The following TRPV3 variants were observed in gnomAD, a reference collection of about 807,000 sequenced individuals.
The protein encoded by TRPV3 is transient receptor potential cation channel subfamily V member 3.
TRPV3 carries 88 observed loss-of-function variants against 87.1 expected under a neutral mutation model. That is an observed-to-expected ratio of 1.01 (90% CI 0.85 to 1.21). The LOEUF (loss-of-function observed/expected upper bound fraction) is 1.21, where lower values mean the gene tolerates loss of function less well. Among genes scored for constraint, TRPV3 ranks in the 50% most tolerant of loss-of-function variants. The probability of loss-of-function intolerance (pLI) is 0.00; values close to 1 mark genes in which losing one functional copy is unlikely to be tolerated. For synonymous variants in TRPV3, 438 were observed against 423.3 expected, an observed-to-expected ratio of 1.03 and a Z score of -0.43; for missense variants, 1,054 against 1,030.1, an observed-to-expected ratio of 1.02 and a Z score of -0.32.
rs148161580 is a variant in TRPV3, at chr17:3,531,993, G to C, written c.1065+664C>G. 4.1e-3 allele frequency among the ~76,000 whole-genome samples: 617 copies of C among 152,330 alleles called. 5 individuals are homozygous for C. The highest frequency in any genetic ancestry group is 6.0e-3 in the Non-Finnish European group (411 of 68,028). On this transcript the variant is annotated intron_variant, in intron 8 of 17. Coordinates refer to ENST00000576742, the MANE Select transcript of TRPV3 (RefSeq NM_145068.4). ...CCAGGAGCCACAGCCTCCTCGCAGA[G>C]CGTAGAGACAGTGAGGCTGAGGAAC...
chr17:3,529,945 G>C, intron 9 of TRPV3, 82 bp downstream of exon 9: 2 of 1,489,706 alleles, frequency 1.3e-6, no homozygotes, highest in South Asian at 2.6e-5. Flanking sequence ...GCAGCACTGG[G>C]TCTTCCCAGC....
At position 3,522,828 on chromosome 17, in the gene TRPV3, A is replaced by C. The variant is rs568400157; in HGVS notation, c.1743+1370T>G. Among the ~76,000 whole-genome samples, 252 of 151,690 alleles carry C rather than the reference A, an allele frequency of 1.7e-3. 3 individuals carry two copies. The highest frequency in any genetic ancestry group is 1.9e-3 in the Non-Finnish European group (129 of 67,976). On this transcript the variant is annotated intron_variant, in intron 13 of 17. Transcript: ENST00000576742. ...CGAGACTCAGTCACAAACAAAAAAA[A>C]AAAAAAAAAGCAAAAATTATTCTAA...
chr17:3,547,718 G>A (rs534184743), intron 2 of TRPV3, among the ~76,000 whole-genome samples: 4 of 152,190 alleles, frequency 2.6e-5, no homozygotes, highest in Admixed American at 2.0e-4. Flanking sequence ...GGCGGTGGAG[G>A]GGGGCAGCGG....
In TRPV3 at chr17:3,544,467, A is replaced by C. The variant is rs575986820; in HGVS notation, c.311+112T>G. On this transcript the variant is annotated intron_variant, in intron 4 of 17. Coordinates refer to ENST00000576742, the MANE Select transcript of TRPV3 (RefSeq NM_145068.4). ...ATGGACCCATGACTCCACTTGTCCC[A>C]ATCCCCAGGAATGGTGGATTCTTTC... 2.5e-4 allele frequency: 168 copies of C among 660,848 alleles called. 2 individuals carry two copies. The African/African-American group carries it at 2.9e-3, about 11-fold the overall frequency. The allele number at this position is 660,848 out of a possible 1,614,324, so 40.9% of individuals were successfully genotyped here. A position where few individuals can be genotyped will look rare whatever the true frequency, so the allele number is the denominator to read the frequency against.
intron 12 of TRPV3, among the ~76,000 whole-genome samples, 193 bp from the exon 13 acceptor site, chr17:3,524,556 G>A (rs898853364): frequency 6.6e-6 from 1 of 152,126 alleles, no homozygotes; most frequent in Non-Finnish European, 1.5e-5. Flanking sequence ...ATCACCAGAT[G>A]CCACTCACAG....
Position 3,543,625 on chromosome 17 carries a change from T to C in TRPV3, c.315A>G (p.Ala105=). 1 of 1,614,014 alleles carries C rather than the reference T, an allele frequency of 6.2e-7. No individual in the cohort carries two copies. The highest frequency in any genetic ancestry group is 1.3e-5 in the African/African-American group (1 of 75,062). Reference sequence around the variant, plus strand: ...TCCTCTGCTCTTCCTTGGCCAGCTGTGCACTGAAGCCAGAAAATGTTTCCA... The same window carrying C: ...TCCTCTGCTCTTCCTTGGCCAGCTGCGCACTGAAGCCAGAAAATGTTTCCA... ...ETPSNPNSPS[A]QLAKEEQRRK... is the part of the protein sequence containing the mutation. Residue 105 remains alanine, a synonymous_variant, in exon 5 of 18, where the codon GCA becomes GCG. Transcript: ENST00000576742.
chr17:3,531,964 C>A (rs1275928275), intron 8 of TRPV3, among the ~76,000 whole-genome samples: 2 of 152,156 alleles, frequency 1.3e-5, no homozygotes, highest in Non-Finnish European at 2.9e-5. Context: ...CCTCTGATGG[C>A]GTCCCAGGAG....
chr17:3,548,115 CA>C (rs1422202458), intron 2 of TRPV3, among the ~76,000 whole-genome samples: 1 of 152,194 alleles, frequency 6.6e-6, no homozygotes, highest in Non-Finnish European at 1.5e-5. Flanking sequence ...AGGGCCTCTC[CA>C]GGCACACGGG....
In TRPV3 at chr17:3,521,982, G is replaced by A. The variant is rs146814185; in HGVS notation, c.1744-943C>T. Among the ~76,000 whole-genome samples the A allele has an allele frequency of 1.8e-4, 28 of 152,122 alleles. No homozygotes were observed. In the East Asian group the frequency reaches 3.9e-3, roughly 21 times the overall value. On this transcript the variant is annotated intron_variant, in intron 13 of 17. Transcript: ENST00000576742. ...TCCCAGCTACTCCAGAGGCTGAGGC[G>A]GGAGAATTGCTTGAACCCAGGAGGA...
intron 8 of TRPV3, 122 bp downstream of exon 8, chr17:3,532,535 G>A: frequency 7.7e-7 from 1 of 1,290,922 alleles, no homozygotes; most frequent in Non-Finnish European, 1.1e-6. Flanking sequence ...CCCAAGGCTG[G>A]GACCTTCTCA....
intron 16 of TRPV3, among the ~76,000 whole-genome samples, 178 bp from the exon 17 acceptor site, chr17:3,514,850 C>G (rs1485243536): frequency 2.0e-5 from 3 of 152,052 alleles, no homozygotes; most frequent in Non-Finnish European, 4.4e-5. Context: ...AACTCTATCC[C>G]CATCTCCACG....
At position 3,514,155 on chromosome 17, in the gene TRPV3, T is replaced by G. The variant is rs2074150673; in HGVS notation, c.2279-144A>C. On this transcript the variant is annotated intron_variant, in intron 17 of 17. Coordinates refer to ENST00000576742, the MANE Select transcript of TRPV3 (RefSeq NM_145068.4). ...GTGCAGTGGTGTGATCTCAGCTCACTGCAACCTCCACCTCCCAGGTTCAAG... is the reference window on the plus strand; with the variant it reads ...GTGCAGTGGTGTGATCTCAGCTCACGGCAACCTCCACCTCCCAGGTTCAAG... The G allele has an allele frequency of 4.7e-6, 3 of 639,692 alleles. No individual in the cohort carries two copies. In the South Asian group the frequency reaches 6.5e-5, roughly 14 times the overall value. The allele number at this position is 639,692 out of a possible 1,614,324, so 39.6% of individuals were successfully genotyped here.
chr17:3,531,368 T>C (rs1228215495), intron 8 of TRPV3, among the ~76,000 whole-genome samples: 2 of 152,210 alleles, frequency 1.3e-5, no homozygotes, highest in African/African-American at 2.4e-5. Context: ...CCATCCCATC[T>C]GTCATGAGAG....
intron 7 of TRPV3, 69 bp downstream of exon 7, chr17:3,535,503 TC>T (rs2074400674): frequency 1.5e-6 from 2 of 1,313,862 alleles, no homozygotes; most frequent in African/African-American, 3.4e-5. Flanking sequence ...TCCTTCCCCT[TC>T]CCTCCCTTCC....
At chr17:3,516,775 A>G (rs1442171797) in intron 15 of TRPV3, among the ~76,000 whole-genome samples, 1 of 152,070 alleles carries the variant, frequency 6.6e-6, no homozygotes, top group Non-Finnish European at 1.5e-5. Context: ...TTGGGAGGCC[A>G]AGGTGCGTGG....
rs769051651 is a variant in TRPV3 at position 3,545,271 on chromosome 17, A to G, written c.120T>C (p.Ser40=). 2.5e-6 allele frequency: 4 copies of G among 1,609,904 alleles called. No homozygotes were observed. The highest frequency in any genetic ancestry group is 1.3e-5 in the African/African-American group (1 of 74,976). ...RPAEITPTKK[S]AHFFLEIEGF... ...CTTCTATCTCCAGGAAGAAGTGTGCACTGAGGGAACACGGAGGAAGCCTGT... is the reference window on the plus strand; with the variant it reads ...CTTCTATCTCCAGGAAGAAGTGTGCGCTGAGGGAACACGGAGGAAGCCTGT... The change falls in exon 3 of 18, where the codon AGT becomes AGC. Residue 40 remains serine (S), a splice_region_variant and synonymous_variant. Coordinates refer to ENST00000576742, the MANE Select transcript of TRPV3 (RefSeq NM_145068.4).
At chr17:3,534,122 A>C (rs1017787597) in intron 7 of TRPV3, among the ~76,000 whole-genome samples, 1 of 152,040 alleles carries the variant, frequency 6.6e-6, no homozygotes, top group African/African-American at 2.4e-5. Context: ...GCTTCCCAAC[A>C]CCAGGTCCAA....
rs965316066 is a variant in TRPV3, at chr17:3,513,402, T to C, written c.*515A>G. On this transcript the variant is annotated 3_prime_UTR_variant, in exon 18 of 18. Coordinates refer to ENST00000576742, the MANE Select transcript of TRPV3 (RefSeq NM_145068.4). ...CGCATTCCCCTCCTCCCCCAGGATATCCAGCTTACCTCCGTCCCCCGCACA... is the reference window on the plus strand; with the variant it reads ...CGCATTCCCCTCCTCCCCCAGGATACCCAGCTTACCTCCGTCCCCCGCACA... The C allele has an allele frequency of 1.3e-5, 2 of 153,382 alleles. No individual in the cohort carries two copies. The highest frequency in any genetic ancestry group is 2.9e-5 in the Non-Finnish European group (2 of 68,630). The allele number at this position is 153,382 out of a possible 1,614,324, so 9.5% of individuals were successfully genotyped here.
At chr17:3,537,780 C>A (rs1192688384) in intron 6 of TRPV3, among the ~76,000 whole-genome samples, 1 of 151,098 alleles carries the variant, frequency 6.6e-6, no homozygotes, top group Non-Finnish European at 1.5e-5. Context: ...GTGGCGGGCA[C>A]CTGTAGTCCC....
Sources: allele counts gnomAD v4.1 joint callset (sites outside exome capture counted in the v4.1 genomes callset), GRCh38; gene constraint gnomAD v4.1.1; transcripts MANE v1.5; gene names NCBI Gene and HGNC (gene_info 2026-07-23, HGNC 2026-07-21).